The following SNRPN variants were observed in gnomAD, a reference collection of about 807,000 sequenced individuals.
The protein encoded by SNRPN is small nuclear ribonucleoprotein polypeptide N.
SNRPN carries 7 observed loss-of-function variants against 25.2 expected under a neutral mutation model. That is an observed-to-expected ratio of 0.28 (90% confidence interval 0.16 to 0.52). SNRPN has a LOEUF of 0.52. Ranked by LOEUF, SNRPN falls within the 20% of genes least tolerant of loss-of-function variation. The probability of loss-of-function intolerance (pLI) is 0.96; values close to 1 mark genes in which losing one functional copy is unlikely to be tolerated. For synonymous variants in SNRPN, 124 were observed against 110.6 expected, an observed-to-expected ratio of 1.12 and a Z score of -0.76; for missense variants, 196 against 322.5, an observed-to-expected ratio of 0.61 and a Z score of 3.00.
chr15:24,851,636 A>G (rs1234767780), upstream of SNRPN: 1 of 152,344 alleles, frequency 6.6e-6, no homozygotes, highest in Non-Finnish European at 1.5e-5. Flanking sequence ...CGGCCAGCCC[A>G]CTAAGGAATG....
intron 1 of SNRPN, among the ~76,000 whole-genome samples, chr15:24,956,701 G>A (rs149810760): frequency 6.6e-6 from 1 of 152,196 alleles, no homozygotes; most frequent in African/African-American, 2.4e-5. Flanking sequence ...GCGCAGTAGA[G>A]GGGGGAGGAG....
intron 3 of SNRPN, among the ~76,000 whole-genome samples, chr15:24,944,377 A>G (rs1484897503): frequency 2.0e-5 from 3 of 152,224 alleles, no homozygotes; most frequent in Non-Finnish European, 4.4e-5. Context: ...GGTATCATAC[A>G]TGTTAACCCA....
upstream of SNRPN, among the ~76,000 whole-genome samples, chr15:24,952,553 G>A (rs2062361416): frequency 6.6e-6 from 1 of 152,092 alleles, no homozygotes; most frequent in South Asian, 2.1e-4. Flanking sequence ...TAGATTTTCT[G>A]TAAAGCCCAG....
chr15:24,858,768 T>C (rs2053685497), intron 1 of SNRPN, among the ~76,000 whole-genome samples: 1 of 152,244 alleles, frequency 6.6e-6, no homozygotes, highest in African/African-American at 2.4e-5. Flanking sequence ...GCCACTGCAC[T>C]CCAGTCTGGG....
At chr15:24,945,134 T>C (rs902633570) in intron 3 of SNRPN, among the ~76,000 whole-genome samples, 2 of 152,098 alleles carry the variant, frequency 1.3e-5, no homozygotes, top group African/African-American at 4.8e-5. Context: ...TGTTTAGCTT[T>C]GTGGGTCATA....
At chr15:24,871,537 T>C (rs1175711715) in intron 1 of SNRPN, among the ~76,000 whole-genome samples, 1 of 152,016 alleles carries the variant, frequency 6.6e-6, no homozygotes, top group Non-Finnish European at 1.5e-5. Flanking sequence ...ACTAATGATG[T>C]CAATCATCTT....
At chr15:24,879,741 A>G (rs2056398233) in intron 1 of SNRPN, among the ~76,000 whole-genome samples, 1 of 152,222 alleles carries the variant, frequency 6.6e-6, no homozygotes, top group African/African-American at 2.4e-5. Flanking sequence ...ATTTATTGGA[A>G]CACAGCTATG....
chr15:24,883,208 G>C (rs952205221), intron 1 of SNRPN, among the ~76,000 whole-genome samples: 1 of 152,192 alleles, frequency 6.6e-6, no homozygotes, highest in African/African-American at 2.4e-5. Flanking sequence ...AGAAACCAGC[G>C]GCTTTGCAGC....
upstream of SNRPN, among the ~76,000 whole-genome samples, chr15:24,951,812 ACT>A (rs1297211935): frequency 6.6e-6 from 1 of 152,152 alleles, no homozygotes; most frequent in Admixed American, 6.5e-5. Flanking sequence ...CCAGCCAAGT[ACT>A]AACACTTCTT....
rs1595970656 is a variant in SNRPN, at chr15:24,929,926, A to G, written c.-391+9802A>G. On this transcript the variant is annotated intron_variant, in intron 3 of 11. Coordinates refer to the SNRPN transcript ENST00000400097. The surrounding 1 kb of genome is among the most constrained non-coding windows in gnomAD (Gnocchi z 5.3). ...AAAATGGCCAGGCACGGTGGCTCAC[A>G]CCTATAATCCCAGCACTTTGGGAGG... Among the ~76,000 whole-genome samples, 1 of 152,096 alleles carries G rather than the reference A, an allele frequency of 6.6e-6. No individual in the cohort carries two copies. Among genetic ancestry groups the G allele is most frequent in the South Asian group, 2.1e-4 (1 of 4,828 alleles).
chr15:24,968,168 T>G, intron 3 of SNRPN, 86 bp downstream of exon 3: 1 of 822,478 alleles, frequency 1.2e-6, no homozygotes, highest in Non-Finnish European at 2.0e-6. Context: ...AGTGACACAT[T>G]AATTTTTTTC....
At chr15:24,834,665 T>C (rs1409400588) in intron 2 of SNRPN, among the ~76,000 whole-genome samples, 23 of 150,120 alleles carry the variant, frequency 1.5e-4, no homozygotes, top group Non-Finnish European at 5.9e-5. Context: ...CAGTGAGCTG[T>C]GATCATGATC....
intron 2 of SNRPN, among the ~76,000 whole-genome samples, chr15:24,830,983 T>C (rs187931861): frequency 6.6e-6 from 1 of 152,176 alleles, no homozygotes; most frequent in African/African-American, 2.4e-5. Context: ...TTACTGATTT[T>C]TTCTGCTTGG....
intron 1 of SNRPN, among the ~76,000 whole-genome samples, chr15:24,824,333 C>T (rs1000301510): frequency 6.6e-6 from 1 of 152,076 alleles, no homozygotes; most frequent in Non-Finnish European, 1.5e-5. Context: ...ACTTTGCTAC[C>T]GTGCAAATGA....
intron 2 of SNRPN, among the ~76,000 whole-genome samples, chr15:24,890,006 C>A (rs1038061057): frequency 3.4e-5 from 5 of 145,360 alleles, no homozygotes; most frequent in Non-Finnish European, 6.0e-5. Context: ...GCTGAGATCG[C>A]ACCTCTGCAC....
At chr15:24,976,183 A>G in intron 5 of SNRPN, 122 bp from the exon 6 acceptor site, 1 of 759,876 alleles carries the variant, frequency 1.3e-6, no homozygotes, top group Non-Finnish European at 2.2e-6. Context: ...CTTGTTTTTC[A>G]GTGATAACTC....
chr15:24,877,661 AACAC>A (rs72120147), intron 1 of SNRPN, among the ~76,000 whole-genome samples: 25,417 of 144,554 alleles, frequency 0.18, 2,257 homozygotes, highest in East Asian at 0.3. Context: ...ATCTCTACAA[AACAC>A]ACACACACAC....
rs371527962 is a variant in SNRPN, at chr15:24,962,134, G to A, written c.-370G>A. The A allele has an allele frequency of 1.9e-6, 3 of 1,614,080 alleles. No individual in the cohort carries two copies. Among genetic ancestry groups the A allele is most frequent in the Non-Finnish European group, 2.5e-6 (3 of 1,180,014 alleles). ...TTCAGGGATCGCTTACACCTGAGAC[G>A]AACTACAGAACAGCACGTACCAGAG... On this transcript the variant is annotated 5_prime_UTR_variant, in exon 2 of 10. Transcript: ENST00000390687.
intron 2 of SNRPN, among the ~76,000 whole-genome samples, 160 bp downstream of exon 2, chr15:24,962,369 T>G (rs543838201): frequency 6.6e-6 from 1 of 152,342 alleles, no homozygotes; most frequent in East Asian, 1.9e-4. Flanking sequence ...CTTAACCATA[T>G]TATCCTAAAA....
Sources: allele counts gnomAD v4.1 joint callset (sites outside exome capture counted in the v4.1 genomes callset), GRCh38; gene constraint gnomAD v4.1.1; non-coding constraint Gnocchi (gnomAD v3.1); transcripts MANE v1.5; gene names NCBI Gene and HGNC (gene_info 2026-07-23, HGNC 2026-07-21).